Variants in KCNJ15 observed in about 807,000 individuals in gnomAD.
The protein encoded by KCNJ15 is ATP-sensitive inward rectifier potassium channel 15.
KCNJ15 carries 14 observed loss-of-function variants against 23.0 expected under a neutral mutation model. That is an observed-to-expected ratio of 0.61 (90% CI 0.40 to 0.95). The LOEUF (loss-of-function observed/expected upper bound fraction) is 0.95, where lower values mean the gene tolerates loss of function less well. KCNJ15 is among the 40% of genes least tolerant of loss of function. The probability of loss-of-function intolerance (pLI) is 0.00; values close to 1 mark genes in which losing one functional copy is unlikely to be tolerated. For missense variants in KCNJ15, 388 were observed against 461.8 expected (o/e 0.84, Z 1.46); for synonymous variants, 185 against 183.2 (o/e 1.01, Z -0.08).
At chr21:38,288,629 A>C (rs771745750) in intron 1 of KCNJ15, among the ~76,000 whole-genome samples, 12 of 152,212 alleles carry the variant, frequency 7.9e-5, no homozygotes, top group Non-Finnish European at 1.6e-4. Context: ...ATCGTAGTGC[A>C]AAATATTATA....
chr21:38,284,948 T>C (rs975429378), intron 1 of KCNJ15, among the ~76,000 whole-genome samples: 3 of 152,210 alleles, frequency 2.0e-5, no homozygotes, highest in Admixed American at 2.0e-4. Flanking sequence ...ATGCCTCTTT[T>C]CCCTGTTTTC....
chr21:38,244,302 C>G (rs1979219225), intron 1 of KCNJ15, among the ~76,000 whole-genome samples: 1 of 152,176 alleles, frequency 6.6e-6, no homozygotes. Flanking sequence ...CTCCTTCTCT[C>G]TCTCCCAGGT....
intron 1 of KCNJ15, among the ~76,000 whole-genome samples, chr21:38,245,520 C>T (rs117395775): frequency 0.03 from 4,493 of 150,644 alleles, 89 homozygotes; most frequent in Middle Eastern, 0.062. Flanking sequence ...TATCTGAAAC[C>T]AGGATACGAG....
intron 1 of KCNJ15, chr21:38,269,153 C>CAGAATG (rs1217264039): frequency 6.6e-6 from 1 of 152,200 alleles, no homozygotes; most frequent in African/African-American, 2.4e-5. Context: ...AGGGAATGAG[C>CAGAATG]ATTCTCAAAA....
chr21:38,236,191 C>T (rs1568978565), intron 1 of KCNJ15, among the ~76,000 whole-genome samples: 1 of 152,242 alleles, frequency 6.6e-6, no homozygotes, highest in Non-Finnish European at 1.5e-5. Context: ...CTTATTGAGG[C>T]AGGGATGGTG....
At chr21:38,269,812 C>A (rs576873727) in intron 1 of KCNJ15, among the ~76,000 whole-genome samples, 47 of 152,220 alleles carry the variant, frequency 3.1e-4, no homozygotes, top group African/African-American at 1.1e-3. Context: ...GGAGACAGAG[C>A]TGCTGGTAAT....
intron 1 of KCNJ15, among the ~76,000 whole-genome samples, chr21:38,281,525 T>A (rs1398359566): frequency 6.6e-6 from 1 of 152,204 alleles, no homozygotes; most frequent in Non-Finnish European, 1.5e-5. Flanking sequence ...ATATGGTATT[T>A]GGTTTTCTGT....
intron 1 of KCNJ15, among the ~76,000 whole-genome samples, chr21:38,261,625 G>A (rs1409637843): frequency 6.6e-6 from 1 of 152,172 alleles, no homozygotes; most frequent in Non-Finnish European, 1.5e-5. Context: ...ATGAAAGGTA[G>A]GTCCTTGTAC....
chr21:38,282,858 G>A (rs1318933663), intron 1 of KCNJ15, among the ~76,000 whole-genome samples: 1 of 152,140 alleles, frequency 6.6e-6, no homozygotes, highest in Non-Finnish European at 1.5e-5. Flanking sequence ...ATGAGGTGTG[G>A]ACAATGAGAA....
chr21:38,259,243 T>A (rs1980621000), intron 1 of KCNJ15, among the ~76,000 whole-genome samples: 1 of 152,180 alleles, frequency 6.6e-6, no homozygotes, highest in Non-Finnish European at 1.5e-5. Flanking sequence ...ATACTTTGCC[T>A]CAGAGTCCAG....
At chr21:38,276,129 G>T (rs2078649679) in intron 1 of KCNJ15, among the ~76,000 whole-genome samples, 1 of 151,666 alleles carries the variant, frequency 6.6e-6, no homozygotes, top group African/African-American at 2.4e-5. Context: ...AGGCATGAAG[G>T]AGCCTATTCT....
rs552263743 is a variant in KCNJ15, at chr21:38,244,834, T to A, written c.-398-12212T>A. 2.0e-3 allele frequency among the ~76,000 whole-genome samples: 308 copies of A among 152,246 alleles called. 2 individuals are homozygous for A. The highest frequency in any genetic ancestry group is 3.6e-3 in the Non-Finnish European group (244 of 68,010). ...GAGATGCTGGTAGTTAGTCTTGTAATTTTTACAGTATTATCTGCAGAATGA... is the reference window on the plus strand; with the variant it reads ...GAGATGCTGGTAGTTAGTCTTGTAAATTTTACAGTATTATCTGCAGAATGA... On this transcript the variant is annotated intron_variant, in intron 1 of 4. Transcript: ENST00000547341.
intron 1 of KCNJ15, among the ~76,000 whole-genome samples, chr21:38,285,263 C>T (rs1983769132): frequency 1.3e-5 from 2 of 152,004 alleles, no homozygotes; most frequent in African/African-American, 2.4e-5. Context: ...TTTTATTTGT[C>T]GTATGCATAT....
At chr21:38,289,799 C>T (rs1026370450) in intron 1 of KCNJ15, among the ~76,000 whole-genome samples, 3 of 152,060 alleles carry the variant, frequency 2.0e-5, no homozygotes, top group African/African-American at 4.8e-5. Context: ...CGCCTCCTCA[C>T]CCCCTCCACA....
chr21:38,287,739 G>T (rs1022764703), intron 1 of KCNJ15, among the ~76,000 whole-genome samples: 14 of 152,116 alleles, frequency 9.2e-5, no homozygotes, highest in Admixed American at 7.2e-4. Context: ...TACAGTGATG[G>T]AAATTAGTTA....
intron 1 of KCNJ15, among the ~76,000 whole-genome samples, chr21:38,286,692 A>G (rs1983952077): frequency 6.6e-6 from 1 of 152,238 alleles, no homozygotes; most frequent in African/African-American, 2.4e-5. Flanking sequence ...GGTAATATCT[A>G]CAGCATTTAG....
chr21:38,237,142 A>C (rs759359103), intron 1 of KCNJ15: 1 of 152,270 alleles, frequency 6.6e-6, no homozygotes, highest in Non-Finnish European at 1.5e-5. Context: ...GAGATTTCCC[A>C]GAGGCAGGAC....
intron 1 of KCNJ15, among the ~76,000 whole-genome samples, chr21:38,235,598 AT>A (rs1978550753): frequency 6.6e-6 from 1 of 152,012 alleles, no homozygotes; most frequent in Non-Finnish European, 1.5e-5. Flanking sequence ...ATTTGAGCTT[AT>A]TTATTATTCC....
In KCNJ15 at chr21:38,300,452, C is replaced by T; in HGVS notation, c.*63C>T. 6.9e-7 allele frequency: 1 copy of T among 1,439,660 alleles called. No homozygotes were observed. The highest frequency in any genetic ancestry group is 2.3e-5 in the East Asian group (1 of 43,606). 89.2% of individuals were successfully genotyped at this position (1,439,660 alleles called of 1,614,324 possible). The stretch of plus-strand genomic sequence containing the variant: ...TTTCCACATCAGAACTCCCTTCAAA[C>T]ACAAAGATTGCTGTGAAAACGAAAA... On this transcript the variant is annotated 3_prime_UTR_variant, in exon 3 of 3. Coordinates refer to ENST00000398938, the MANE Select transcript of KCNJ15 (RefSeq NM_170736.3).
Sources: gnomAD v4.1 joint callset for allele counts (sites outside exome capture counted in the v4.1 genomes callset) on GRCh38, gnomAD v4.1.1 for gene constraint, MANE v1.5 for transcripts, NCBI Gene and HGNC (gene_info 2026-07-23, HGNC 2026-07-21) for gene names.